Variants in ATOSA observed in about 807,000 individuals in gnomAD.
The protein encoded by ATOSA is atos homolog A, also known as atos homolog protein A.
the ATOSA span, chr15:52,611,349 C>G: frequency 6.7e-7 from 1 of 1,486,368 alleles, no homozygotes; most frequent in East Asian, 2.3e-5. Flanking sequence ...ACTTATCACT[C>G]AGGATTTGTG....
chr15:52,702,168 G>C, the ATOSA span, among the ~76,000 whole-genome samples: 2 of 152,100 alleles, frequency 1.3e-5, no homozygotes, highest in African/African-American at 4.8e-5. Flanking sequence ...ACTGTTGGTG[G>C]GAATGCAAAT....
At chr15:52,596,610 T>C in the ATOSA span, among the ~76,000 whole-genome samples, 8 of 152,318 alleles carry the variant, frequency 5.3e-5, no homozygotes, top group African/African-American at 1.9e-4. Context: ...TGGTAATATA[T>C]GAAGACATTT....
the ATOSA span, among the ~76,000 whole-genome samples, chr15:52,630,984 C>G: frequency 1.3e-5 from 2 of 152,094 alleles, no homozygotes; most frequent in African/African-American, 4.8e-5. Flanking sequence ...AAAGAGACAA[C>G]ACAGAATTCA....
the ATOSA span, among the ~76,000 whole-genome samples, chr15:52,630,258 C>T: frequency 6.6e-6 from 1 of 152,150 alleles, no homozygotes; most frequent in Non-Finnish European, 1.5e-5. Flanking sequence ...TTCAGAGTTA[C>T]TTGTCTTTAT....
chr15:52,678,280 TCTC>T, the ATOSA span: 6 of 599,828 alleles, frequency 1.0e-5, no homozygotes, highest in Non-Finnish European at 1.5e-5. Context: ...GCCTCCCCCA[TCTC>T]CTCCGGATCG....
chr15:52,641,081 T>A, the ATOSA span, among the ~76,000 whole-genome samples: 27 of 152,148 alleles, frequency 1.8e-4, no homozygotes, highest in Non-Finnish European at 3.7e-4. Context: ...ACCTCTTATC[T>A]GAAGAAAAAA....
chr15:52,641,425 T>A, the ATOSA span, among the ~76,000 whole-genome samples: 1 of 152,208 alleles, frequency 6.6e-6, no homozygotes, highest in African/African-American at 2.4e-5. Context: ...GCTTATCATC[T>A]GAAGGAGCAA....
At chr15:52,643,680 C>T in the ATOSA span, among the ~76,000 whole-genome samples, 1 of 151,642 alleles carries the variant, frequency 6.6e-6, no homozygotes, top group African/African-American at 2.4e-5. Flanking sequence ...CTTTGAGAGG[C>T]CGAGGCAGGC....
At chr15:52,611,602 C>T in the ATOSA span, 22 of 1,614,038 alleles carry the variant, frequency 1.4e-5, no homozygotes, top group South Asian at 2.4e-4. Flanking sequence ...CAAGATCCAT[C>T]TTTCTAATAA....
the ATOSA span, among the ~76,000 whole-genome samples, chr15:52,622,587 A>T: frequency 2.0e-5 from 3 of 152,224 alleles, no homozygotes; most frequent in Non-Finnish European, 4.4e-5. Context: ...TGCCATAATT[A>T]TAAAAAGGAT....
chr15:52,625,483 C>CTATT, the ATOSA span, among the ~76,000 whole-genome samples: 2,521 of 152,162 alleles, frequency 0.017, 56 homozygotes, highest in African/African-American at 0.053. Flanking sequence ...AAAACTTAAA[C>CTATT]TATTTTATTC....
At chr15:52,602,526 A>C in the ATOSA span, among the ~76,000 whole-genome samples, 1 of 152,078 alleles carries the variant, frequency 6.6e-6, no homozygotes, top group Admixed American at 6.6e-5. Flanking sequence ...GATGTGGGAT[A>C]GTTTCATGTT....
the ATOSA span, among the ~76,000 whole-genome samples, chr15:52,628,108 C>T: frequency 3.3e-5 from 5 of 152,154 alleles, no homozygotes; most frequent in African/African-American, 9.7e-5. Context: ...GAATTTAATT[C>T]TCTCCAGTGC....
At chr15:52,584,762 G>C in the ATOSA span, 1 of 1,613,274 alleles carries the variant, frequency 6.2e-7, no homozygotes, top group Non-Finnish European at 8.5e-7. Flanking sequence ...GTATGAGGTA[G>C]CGTAATAACC....
At chr15:52,617,647 T>G in the ATOSA span, among the ~76,000 whole-genome samples, 3 of 151,974 alleles carry the variant, frequency 2.0e-5, no homozygotes, top group Admixed American at 2.0e-4. Context: ...AGCCTTATTT[T>G]AAGCATGTAT....
the ATOSA span, among the ~76,000 whole-genome samples, chr15:52,606,938 A>G: frequency 6.6e-6 from 1 of 152,192 alleles, no homozygotes. Context: ...AAAGTAAAGG[A>G]AAGTGAAGCC....
At chr15:52,641,113 C>T in the ATOSA span, among the ~76,000 whole-genome samples, 6 of 152,272 alleles carry the variant, frequency 3.9e-5, no homozygotes, top group Non-Finnish European at 8.8e-5. Flanking sequence ...CAGGTACAGG[C>T]GTTTATAAGA....
At chr15:52,705,946 G>A in the ATOSA span, among the ~76,000 whole-genome samples, 1 of 152,090 alleles carries the variant, frequency 6.6e-6, no homozygotes, top group African/African-American at 2.4e-5. Flanking sequence ...GTATTCCATT[G>A]TATTAATATA....
At chr15:52,597,187 TC>T in the ATOSA span, among the ~76,000 whole-genome samples, 132,780 of 149,684 alleles carry the variant, frequency 0.89, 59,069 homozygotes, top group East Asian at 1. Context: ...TCTATTCTAT[TC>T]TATTCTATTC....
Sources: gnomAD v4.1 joint callset for allele counts (sites outside exome capture counted in the v4.1 genomes callset) on GRCh38, gnomAD v4.1.1 for gene constraint, MANE v1.5 for transcripts, NCBI Gene and HGNC (gene_info 2026-07-23, HGNC 2026-07-21) for gene names.